The following RNASE11 variants were observed in gnomAD, a reference collection of about 807,000 sequenced individuals.
RNASE11 encodes putative inactive ribonuclease 11.
For missense variants in RNASE11, 252 were observed against 237.8 expected, an observed-to-expected ratio of 1.06 and a Z score of -0.39; for synonymous variants, 105 against 86.1, an observed-to-expected ratio of 1.22 and a Z score of -1.21.
intron 1 of RNASE11, among the ~76,000 whole-genome samples, chr14:20,586,344 A>G (rs908362251): frequency 6.6e-6 from 1 of 152,172 alleles, no homozygotes; most frequent in Non-Finnish European, 1.5e-5. Flanking sequence ...TACATGTTTC[A>G]TCACCGCTTA....
At chr14:20,585,163 A>G (rs118101348) in intron 1 of RNASE11, 48,583 of 817,354 alleles carry the variant, frequency 0.059, 1,594 homozygotes, top group Non-Finnish European at 0.064. Context: ...AGGGGTAGAT[A>G]GGGTTGTATG....
chr14:20,584,141 C>G, exon 2 of RNASE11: 1 of 1,614,164 alleles, frequency 6.2e-7, no homozygotes, highest in Non-Finnish European at 8.5e-7. Flanking sequence ...TTGCACGATC[C>G]GTTTGCTTCT....
chr14:20,588,856 G>C (rs996871840), upstream of RNASE11, among the ~76,000 whole-genome samples: 3 of 151,992 alleles, frequency 2.0e-5, no homozygotes, highest in Non-Finnish European at 2.9e-5. Context: ...GCATGATCTC[G>C]GCTCACTGCA....
In RNASE11 at chr14:20,584,081, G is replaced by A. The variant is rs1257376372; in HGVS notation, c.394C>T (p.His132Tyr). 14 of 1,614,180 alleles carry A rather than the reference G, an allele frequency of 8.7e-6. No individual in the cohort carries two copies. Among genetic ancestry groups the A allele is most frequent in the Non-Finnish European group, 1.2e-5 (14 of 1,180,018 alleles). The change falls in exon 2 of 2, where the codon CAC becomes TAC. Residue 132 changes from histidine to tyrosine, a missense_variant. Transcript: ENST00000553849. ...ACAAACTTGCAGCTGGGGGCCCTGT[G>A]GACCCTGCGCATCACTTCTGTGGAG...
At position 20,583,749 on chromosome 14, in the gene RNASE11, A is replaced by G. The variant is rs1401461340; in HGVS notation, c.*126T>C. 5.7e-6 allele frequency: 6 copies of G among 1,061,658 alleles called. No individual in the cohort carries two copies. In the East Asian group the frequency reaches 1.3e-4, roughly 22 times the overall value. The allele number at this position is 1,061,658 out of a possible 1,614,324, so 65.8% of individuals were successfully genotyped here. On this transcript the variant is annotated 3_prime_UTR_variant, in exon 2 of 2. Transcript: ENST00000553849. Reference sequence around the variant, plus strand: ...ACAATTTTGGATTTTTCACTCCTCCAGTTAGAATAAATAATCAGGAGTTCA... The same window carrying G: ...ACAATTTTGGATTTTTCACTCCTCCGGTTAGAATAAATAATCAGGAGTTCA...
chr14:20,585,605 G>T (rs144393638), intron 1 of RNASE11, among the ~76,000 whole-genome samples: 1 of 152,128 alleles, frequency 6.6e-6, no homozygotes, highest in Non-Finnish European at 1.5e-5. Flanking sequence ...CCTCCAGTTA[G>T]TATAAATAAT....
chr14:20,585,363 A>C (rs1884413770), intron 1 of RNASE11, among the ~76,000 whole-genome samples: 1 of 152,224 alleles, frequency 6.6e-6, no homozygotes, highest in African/African-American at 2.4e-5. Context: ...GCACAGATTA[A>C]GTTGCACTTC....
chr14:20,583,942 T>C (rs1326269848), exon 2 of RNASE11: 1 of 1,614,048 alleles, frequency 6.2e-7, no homozygotes, highest in African/African-American at 1.3e-5. Flanking sequence ...CAATATCTTC[T>C]CTAATGAGGT....
intron 1 of RNASE11, among the ~76,000 whole-genome samples, 192 bp downstream of exon 2, chr14:20,587,371 G>A (rs116404029): frequency 1.8e-4 from 28 of 152,112 alleles, no homozygotes; most frequent in South Asian, 4.2e-4. Context: ...GAGGAGCTTC[G>A]GTGAAGAAGG....
intron 1 of RNASE11, among the ~76,000 whole-genome samples, chr14:20,585,653 G>C (rs1407049109): frequency 6.6e-6 from 1 of 152,154 alleles, no homozygotes; most frequent in Non-Finnish European, 1.5e-5. Flanking sequence ...AGATGTTAAG[G>C]AAACAGGAAG....
intron 1 of RNASE11, chr14:20,585,036 C>T (rs1884406289): frequency 1.4e-5 from 14 of 982,060 alleles, no homozygotes; most frequent in African/African-American, 1.7e-5. Context: ...CCAGTTCCTT[C>T]GGCAAGTTGA....
At chr14:20,587,859 C>T (rs954432219), upstream of RNASE11, 1 of 985,214 alleles carries the variant, frequency 1.0e-6, no homozygotes, top group Non-Finnish European at 1.2e-6. Flanking sequence ...CGTAAGTGCA[C>T]CTTCTTCTTT....
intron 1 of RNASE11, among the ~76,000 whole-genome samples, chr14:20,586,627 A>G (rs1884440035): frequency 6.6e-6 from 1 of 152,200 alleles, no homozygotes; most frequent in South Asian, 2.1e-4. Flanking sequence ...GAAGGCAGAA[A>G]GGATGAGGGA....
upstream of RNASE11, among the ~76,000 whole-genome samples, chr14:20,589,326 C>T (rs958022833): frequency 6.6e-6 from 1 of 151,096 alleles, no homozygotes; most frequent in East Asian, 2.0e-4. Context: ...GCGATCTCGG[C>T]TCACTGCAAC....
chr14:20,584,682 C>T (rs910805442), intron 1 of RNASE11, among the ~76,000 whole-genome samples, 186 bp from the exon 3 acceptor site: 1 of 152,128 alleles, frequency 6.6e-6, no homozygotes, highest in African/African-American at 2.4e-5. Context: ...GTTCAAATTC[C>T]TGCTTTTCTG....
At chr14:20,583,658 G>C (rs1414451230) in exon 2 of RNASE11, 14 of 198,138 alleles carry the variant, frequency 7.1e-5, no homozygotes, top group African/African-American at 1.5e-4. Flanking sequence ...CCCCCACACA[G>C]AGAGAGAGAT....
upstream of RNASE11, chr14:20,587,916 C>T (rs1884470105): frequency 1.1e-6 from 1 of 895,982 alleles, no homozygotes; most frequent in South Asian, 5.1e-5. Flanking sequence ...CAGCTGAAGT[C>T]TCTCAACTGA....
chr14:20,583,429 T>G (rs1884351000), downstream of RNASE11: 1 of 164,402 alleles, frequency 6.1e-6, no homozygotes, highest in African/African-American at 2.4e-5. Flanking sequence ...CACACAAGTG[T>G]GAGCACATAC....
chr14:20,588,273 T>A (rs1387066937), upstream of RNASE11: 1 of 152,166 alleles, frequency 6.6e-6, no homozygotes, highest in African/African-American at 2.4e-5. Flanking sequence ...CTTCATGAAA[T>A]CCCCAGAATT....
Sources: gnomAD v4.1 joint callset for allele counts (sites outside exome capture counted in the v4.1 genomes callset) on GRCh38, gnomAD v4.1.1 for gene constraint, MANE v1.5 for transcripts, NCBI Gene and HGNC (gene_info 2026-07-23, HGNC 2026-07-21) for gene names.